Variants in UBE3C observed in about 807,000 individuals in gnomAD.
The protein encoded by UBE3C is ubiquitin-protein ligase E3C.
Under a neutral mutation model 129.4 loss-of-function variants are expected in UBE3C, and 42 were observed. The observed-to-expected ratio is 0.32, with a 90% CI of 0.25 to 0.42. The LOEUF (loss-of-function observed/expected upper bound fraction) is 0.42, where lower values mean the gene tolerates loss of function less well. Ranked by LOEUF, UBE3C falls within the 10% of genes least tolerant of loss-of-function variation. The pLI is 1.00. For missense variants in UBE3C, 1,049 were observed against 1,319.1 expected, an observed-to-expected ratio of 0.80 and a Z score of 3.17; for synonymous variants, 510 against 492.4, an observed-to-expected ratio of 1.04 and a Z score of -0.47.
intron 4 of UBE3C, among the ~76,000 whole-genome samples, chr7:157,173,251 G>A (rs907015028): frequency 1.3e-5 from 2 of 152,120 alleles, no homozygotes; most frequent in African/African-American, 2.4e-5. Flanking sequence ...GTAGCTTGCT[G>A]CTGTAGTCCA....
chr7:157,172,120 C>T (rs564337557), intron 4 of UBE3C, among the ~76,000 whole-genome samples: 12 of 152,042 alleles, frequency 7.9e-5, no homozygotes, highest in African/African-American at 2.9e-4. Context: ...GCAACCTCGC[C>T]TCCTGGGTTC....
chr7:157,201,643 T>G, intron 10 of UBE3C, 78 bp from the exon 11 acceptor site: 1 of 619,946 alleles, frequency 1.6e-6, no homozygotes, highest in Middle Eastern at 4.3e-4. Flanking sequence ...ATCGCTTTTT[T>G]TTTTTTTTTT....
At chr7:157,175,889 C>T (rs531682680) in intron 5 of UBE3C, among the ~76,000 whole-genome samples, 1 of 152,040 alleles carries the variant, frequency 6.6e-6, no homozygotes, top group South Asian at 2.1e-4. Flanking sequence ...ATGTAAATGG[C>T]GAGATAGCAA....
rs1053948267 is a variant in UBE3C at position 157,163,151 on chromosome 7, C to T, written c.67-659C>T. Reference sequence around the variant, plus strand: ...CTGTAATCCCAGCACTTTGGGAGGCCGAGGCGGGTGGATCAGGAGGTCAGG... The same window carrying T: ...CTGTAATCCCAGCACTTTGGGAGGCTGAGGCGGGTGGATCAGGAGGTCAGG... On this transcript the variant is annotated intron_variant, in intron 1 of 22. Transcript: ENST00000348165. Among the ~76,000 whole-genome samples the T allele has an allele frequency of 4.6e-5, 7 of 151,552 alleles. No homozygotes were observed. In the East Asian group the frequency reaches 9.7e-4, roughly 21 times the overall value.
At chr7:157,250,450 G>C (rs866363559) in intron 19 of UBE3C, among the ~76,000 whole-genome samples, 1 of 151,982 alleles carries the variant, frequency 6.6e-6, no homozygotes, top group South Asian at 2.1e-4. Flanking sequence ...ACCTCCCAAA[G>C]TGCTGGGATT....
intron 11 of UBE3C, among the ~76,000 whole-genome samples, chr7:157,206,563 TTTTTC>T (rs1809439635): frequency 6.6e-6 from 1 of 151,414 alleles, no homozygotes; most frequent in African/African-American, 2.4e-5. Flanking sequence ...TACCCAGCCT[TTTTTC>T]TTTTCTTTTT....
intron 15 of UBE3C, chr7:157,221,065 C>T (rs112781000): frequency 5.7e-5 from 17 of 296,506 alleles, no homozygotes; most frequent in African/African-American, 1.5e-4. Context: ...TTGGTCAGCA[C>T]GCTGCATTTG....
At chr7:157,219,675 G>A (rs980186276) in intron 14 of UBE3C, among the ~76,000 whole-genome samples, 11 of 152,192 alleles carry the variant, frequency 7.2e-5, no homozygotes, top group African/African-American at 2.7e-4. Context: ...ACCGAAGTAT[G>A]TGGATCACCT....
chr7:157,262,428 T>TTTC lies in UBE3C; in HGVS notation c.3082-5155_3082-5154insCTT, dbSNP rs1796942155. ...CATAGGCTTTTTTTTTTTTTTTTTT[T>TTTC]TTTTTTTTGAGATAGAGTTTCGCTC... On this transcript the variant is annotated intron_variant, in intron 22 of 22. Transcript: ENST00000348165. Among the ~76,000 whole-genome samples, 2 of 134,154 alleles carry TTTC rather than the reference T, an allele frequency of 1.5e-5. 1 individual carries two copies. Among genetic ancestry groups the TTTC allele is most frequent in the Admixed American group, 1.6e-4 (2 of 12,796 alleles). 88.0% of individuals were successfully genotyped at this position (134,154 alleles called of 152,430 possible). A position where few individuals can be genotyped will look rare whatever the true frequency, so the allele number is the denominator to read the frequency against.
intron 2 of UBE3C, 26 bp downstream of exon 2, chr7:157,163,889 T>C: frequency 6.2e-7 from 1 of 1,607,338 alleles, no homozygotes. Context: ...TAATACTCTG[T>C]AGATAAGCAT....
At chr7:157,238,124 G>A (rs1266865552) in intron 18 of UBE3C, among the ~76,000 whole-genome samples, 2 of 152,162 alleles carry the variant, frequency 1.3e-5, no homozygotes, top group African/African-American at 4.8e-5. Context: ...TTTAGATTTA[G>A]CAAATGTAAC....
In UBE3C at chr7:157,223,292, A is replaced by G; in HGVS notation, c.2041A>G (p.Arg681Gly). 3.7e-6 allele frequency: 6 copies of G among 1,614,204 alleles called. No homozygotes were observed. Among genetic ancestry groups the G allele is most frequent in the Non-Finnish European group, 5.1e-6 (6 of 1,180,030 alleles). The change falls in exon 16 of 23, where the codon AGA becomes GGA. Residue 681 changes from arginine (R) to glycine (G), a missense_variant. Physicochemically the swap from Arg to Gly is moderately radical, Grantham distance 125. Coordinates refer to ENST00000348165, the MANE Select transcript of UBE3C (RefSeq NM_014671.3). ...ESPPLSVSEERQLAVLTELPF... is the reference protein window; with the variant it reads ...ESPPLSVSEEGQLAVLTELPF... ...CCCGCCGCTGTCTGTGTCTGAGGAA[A>G]GACAGCTTGCTGTCCTGACAGAGTT...
At chr7:157,240,229 G>GT (rs1796272371) in intron 18 of UBE3C, among the ~76,000 whole-genome samples, 1 of 151,954 alleles carries the variant, frequency 6.6e-6, no homozygotes, top group Non-Finnish European at 1.5e-5. Flanking sequence ...TAATTTTTGT[G>GT]TTTTTTGTAG....
At chr7:157,205,838 T>G (rs6459738) in intron 11 of UBE3C, among the ~76,000 whole-genome samples, 72,240 of 151,964 alleles carry the variant, frequency 0.48, 19,778 homozygotes, top group African/African-American at 0.77. Flanking sequence ...ATGGGTTCCT[T>G]TTCTCAAAGC....
chr7:157,141,040 G>A (rs1807432042), intron 1 of UBE3C, among the ~76,000 whole-genome samples: 1 of 152,170 alleles, frequency 6.6e-6, no homozygotes, highest in Admixed American at 6.5e-5. Flanking sequence ...GCTACAATTG[G>A]CCCTAATTGC....
chr7:157,259,682 T>C (rs989989712), intron 22 of UBE3C, among the ~76,000 whole-genome samples: 1 of 152,146 alleles, frequency 6.6e-6, no homozygotes, highest in African/African-American at 2.4e-5. Flanking sequence ...GAAAGGCACA[T>C]TTAGAGACAC....
Position 157,175,137 on chromosome 7 carries a change from CTTTT to C in UBE3C, c.458+121_458+124del, listed in dbSNP as rs56852731. 937 of 251,736 alleles carry C rather than the reference CTTTT, an allele frequency of 3.7e-3. 2 individuals carry two copies. The highest frequency in any genetic ancestry group is 0.021 in the East Asian group (252 of 12,008). 15.6% of individuals were successfully genotyped at this position (251,736 alleles called of 1,614,324 possible). A position where few individuals can be genotyped will look rare whatever the true frequency, so the allele number is the denominator to read the frequency against. On this transcript the variant is annotated intron_variant, in intron 5 of 22. Coordinates refer to ENST00000348165, the MANE Select transcript of UBE3C (RefSeq NM_014671.3). ...TTTCAGAGACAGTGGCTTTTCCATACTTTTTTTTTTTTTTTTTTTTTGAGGTCAT... is the reference window on the plus strand; with the variant it reads ...TTTCAGAGACAGTGGCTTTTCCATACTTTTTTTTTTTTTTTTTGAGGTCAT...
chr7:157,180,957 G>A (rs188975720), intron 6 of UBE3C, among the ~76,000 whole-genome samples: 1 of 152,278 alleles, frequency 6.6e-6, no homozygotes, highest in African/African-American at 2.4e-5. Flanking sequence ...CCACCCCGGG[G>A]CCCCAGGTGG....
At chr7:157,172,254 G>A (rs1586661581) in intron 4 of UBE3C, among the ~76,000 whole-genome samples, 1 of 151,784 alleles carries the variant, frequency 6.6e-6, no homozygotes, top group Non-Finnish European at 1.5e-5. Context: ...AGGCTGGTCT[G>A]TACTCCTGAC....
Sources: allele counts gnomAD v4.1 joint callset (sites outside exome capture counted in the v4.1 genomes callset), GRCh38; gene constraint gnomAD v4.1.1; transcripts MANE v1.5; gene names NCBI Gene and HGNC (gene_info 2026-07-23, HGNC 2026-07-21).